The following PCDH15 variants were observed in gnomAD, a reference collection of about 807,000 sequenced individuals.
PCDH15 encodes protocadherin related 15, also known as protocadherin-15.
Under a neutral mutation model 178.5 loss-of-function variants are expected in PCDH15, and 129 were observed. That is an observed-to-expected ratio of 0.72 (90% CI 0.63 to 0.84). The LOEUF (loss-of-function observed/expected upper bound fraction) is 0.84. PCDH15 is among the 40% of genes least tolerant of loss of function. PCDH15 has a pLI of 0.00. For missense variants in PCDH15, 2,230 were observed against 2,099.9 expected, an observed-to-expected ratio of 1.06 and a Z score of -1.21; for synonymous variants, 800 against 732.0, an observed-to-expected ratio of 1.09 and a Z score of -1.50.
chr10:54,105,361 C>T (rs1250939331), intron 15 of PCDH15, among the ~76,000 whole-genome samples: 1 of 137,532 alleles, frequency 7.3e-6, no homozygotes, highest in Non-Finnish European at 1.6e-5. Flanking sequence ...CACACATACA[C>T]AAAACTAATA....
intron 2 of PCDH15, among the ~76,000 whole-genome samples, chr10:55,502,975 ATG>A (rs912444130): frequency 1.9e-4 from 29 of 151,738 alleles, no homozygotes; most frequent in African/African-American, 6.3e-4. Context: ...GAGCACTTTT[ATG>A]TGTGACAAAT....
Position 54,693,254 on chromosome 10 carries a change from CTCTT to C in PCDH15, c.-28-28968_-28-28965del, listed in dbSNP as rs559717631. On this transcript the variant is annotated intron_variant, in intron 1 of 37. Coordinates refer to ENST00000644397, the MANE Select transcript of PCDH15 (RefSeq NM_001384140.1). ...AATTATCACTTTGACAACTGACGCT[CTCTT>C]TCTTTCTTTCCTGAAAGTAAGTTAC... Among the ~76,000 whole-genome samples, 85 of 152,048 alleles carry C rather than the reference CTCTT, an allele frequency of 5.6e-4. 1 individual carries two copies. In the Middle Eastern group the frequency reaches 0.01, roughly 18 times the overall value.
intron 2 of PCDH15, among the ~76,000 whole-genome samples, chr10:54,946,477 C>T (rs1168351648): frequency 2.0e-5 from 3 of 151,556 alleles, no homozygotes; most frequent in Non-Finnish European, 4.4e-5. Context: ...AGAACAACAC[C>T]CTAACGTTTT....
intron 2 of PCDH15, among the ~76,000 whole-genome samples, chr10:55,571,399 T>C (rs1262816533): frequency 1.3e-5 from 2 of 152,090 alleles, no homozygotes; most frequent in Non-Finnish European, 2.9e-5. Context: ...ATATTTTTAA[T>C]GGAAAGAAAT....
intron 5 of PCDH15, among the ~76,000 whole-genome samples, chr10:54,360,871 T>G (rs991097123): frequency 1.3e-5 from 2 of 152,048 alleles, no homozygotes; most frequent in African/African-American, 4.8e-5. Context: ...AAATTTATCA[T>G]AGGGAAAGTG....
intron 5 of PCDH15, among the ~76,000 whole-genome samples, chr10:54,354,343 A>C (rs1276739175): frequency 6.6e-6 from 1 of 152,216 alleles, no homozygotes; most frequent in African/African-American, 2.4e-5. Context: ...AACAGCTAAA[A>C]AATTGATTCC....
At chr10:55,196,973 C>T (rs976274274) in intron 1 of PCDH15, among the ~76,000 whole-genome samples, 14 of 151,860 alleles carry the variant, frequency 9.2e-5, no homozygotes, top group African/African-American at 3.1e-4. Context: ...TTATATAATC[C>T]TATTGTATAT....
At chr10:55,335,395 T>C (rs1245745785) in intron 2 of PCDH15, among the ~76,000 whole-genome samples, 1 of 151,958 alleles carries the variant, frequency 6.6e-6, no homozygotes, top group South Asian at 2.1e-4. Flanking sequence ...AGAAAATCCT[T>C]GTTGGTTAAA....
intron 2 of PCDH15, among the ~76,000 whole-genome samples, chr10:54,997,773 A>G (rs1839683603): frequency 6.6e-6 from 1 of 152,176 alleles, no homozygotes; most frequent in Non-Finnish European, 1.5e-5. Flanking sequence ...TTCAGTTCTT[A>G]TAAGTAATCT....
At chr10:55,095,392 C>T (rs1002206607) in intron 2 of PCDH15, among the ~76,000 whole-genome samples, 2 of 151,846 alleles carry the variant, frequency 1.3e-5, no homozygotes, top group African/African-American at 4.8e-5. Context: ...AAATCATTTT[C>T]TCTCAATTTA....
rs1180387128 is a variant in PCDH15, at chr10:55,121,137, G to C, written c.-80+45439C>G. On this transcript the variant is annotated intron_variant, in intron 2 of 5. Transcript: ENST00000458638. Reference sequence around the variant, plus strand: ...ACTCATGGGGATGCGGTGCTTTAGAGCCTTAGGGTTGGAAACCCTTCTCCA... The same window carrying C: ...ACTCATGGGGATGCGGTGCTTTAGACCCTTAGGGTTGGAAACCCTTCTCCA... Among the ~76,000 whole-genome samples the C allele has an allele frequency of 7.2e-5, 11 of 152,166 alleles. No individual in the cohort carries two copies. In the East Asian group the frequency reaches 2.1e-3, roughly 29 times the overall value.
intron 8 of PCDH15, among the ~76,000 whole-genome samples, chr10:54,243,364 G>A (rs558315559): frequency 8.4e-4 from 128 of 152,160 alleles, no homozygotes; most frequent in African/African-American, 3.1e-3. Context: ...AAAATTAGTG[G>A]GGCATGGTGG....
intron 3 of PCDH15, among the ~76,000 whole-genome samples, chr10:54,493,281 G>A (rs917530596): frequency 6.6e-6 from 1 of 151,712 alleles, no homozygotes; most frequent in Middle Eastern, 3.2e-3. Context: ...GTGGATAAGA[G>A]GGGACTAATG....
At chr10:55,493,527 GA>G (rs1021490364) in intron 2 of PCDH15, among the ~76,000 whole-genome samples, 7 of 148,844 alleles carry the variant, frequency 4.7e-5, no homozygotes, top group African/African-American at 1.7e-4. Context: ...GGGTGAAAGA[GA>G]AAAACCTTGT....
At chr10:54,006,028 A>G (rs575765811) in intron 20 of PCDH15, among the ~76,000 whole-genome samples, 1 of 152,252 alleles carries the variant, frequency 6.6e-6, no homozygotes, top group East Asian at 1.9e-4. Context: ...ATGAAGGTTA[A>G]AAGTATATGA....
chr10:55,542,008 A>G (rs1841770872), intron 2 of PCDH15, among the ~76,000 whole-genome samples: 1 of 151,772 alleles, frequency 6.6e-6, no homozygotes, highest in Non-Finnish European at 1.5e-5. Context: ...GAGAGGGAAC[A>G]AAATTTGCAA....
At chr10:54,888,371 T>C (rs561402815) in intron 3 of PCDH15, among the ~76,000 whole-genome samples, 1 of 152,186 alleles carries the variant, frequency 6.6e-6, no homozygotes. Flanking sequence ...ATATCAATAT[T>C]TCTTTTCCCT....
At position 53,843,727 on chromosome 10, in the gene PCDH15, G is replaced by A. The variant is rs1399174492; in HGVS notation, c.3807-3231C>T. ...TCTTCATATAAATCTATATTTTCTA[G>A]TTTAAAAATGAAAAAAATTAAATTG... On this transcript the variant is annotated intron_variant, in intron 28 of 37. Coordinates refer to ENST00000644397, the MANE Select transcript of PCDH15 (RefSeq NM_001384140.1). Among the ~76,000 whole-genome samples the A allele has an allele frequency of 2.0e-5, 3 of 151,762 alleles. No individual in the cohort carries two copies. In the East Asian group the frequency reaches 5.8e-4, roughly 29 times the overall value.
chr10:53,914,670 G>T (rs957369166), intron 25 of PCDH15, among the ~76,000 whole-genome samples: 1 of 151,948 alleles, frequency 6.6e-6, no homozygotes, highest in Non-Finnish European at 1.5e-5. Flanking sequence ...TGTAAATGTC[G>T]AGTTAATGGG....
Sources: gnomAD v4.1 joint callset for allele counts (sites outside exome capture counted in the v4.1 genomes callset) on GRCh38, gnomAD v4.1.1 for gene constraint, MANE v1.5 for transcripts, NCBI Gene and HGNC (gene_info 2026-07-23, HGNC 2026-07-21) for gene names.